NMNAT2: variants seen among roughly 807,000 people sequenced by gnomAD.
The protein encoded by NMNAT2 is nicotinamide nucleotide adenylyltransferase 2, also known as nicotinamide/nicotinic acid mononucleotide adenylyltransferase 2.
A neutral mutation model predicts 41.6 loss-of-function variants in NMNAT2; 11 were observed. The ratio of observed to expected loss-of-function variants is 0.26; its 90% CI spans 0.17 to 0.44. The LOEUF (loss-of-function observed/expected upper bound fraction) is 0.44, where lower values mean the gene tolerates loss of function less well. Among genes scored for constraint, NMNAT2 ranks in the 20% least tolerant of loss-of-function variants. The pLI, the probability that NMNAT2 is intolerant of heterozygous loss-of-function variation, is 1.00. For synonymous variants in NMNAT2, 148 were observed against 151.2 expected, an observed-to-expected ratio of 0.98 and a Z score of 0.16; for missense variants, 288 against 407.7, an observed-to-expected ratio of 0.71 and a Z score of 2.53.
At chr1:183,397,934 T>C (rs974859387) in intron 1 of NMNAT2, among the ~76,000 whole-genome samples, 5 of 152,156 alleles carry the variant, frequency 3.3e-5, no homozygotes, top group Non-Finnish European at 5.9e-5. Context: ...AAGGAACAAC[T>C]GATACCAGCC....
intron 1 of NMNAT2, among the ~76,000 whole-genome samples, chr1:183,317,217 T>C (rs1461283077): frequency 6.6e-6 from 1 of 152,186 alleles, no homozygotes; most frequent in Non-Finnish European, 1.5e-5. Context: ...GAAAGTAGGC[T>C]CAGTTTCATC....
intron 1 of NMNAT2, among the ~76,000 whole-genome samples, chr1:183,411,156 C>G (rs995931841): frequency 6.6e-6 from 1 of 152,142 alleles, no homozygotes; most frequent in African/African-American, 2.4e-5. Context: ...CTCATTCTCA[C>G]CTCTTTTGTA....
At chr1:183,305,716 C>CT (rs5741563) in intron 1 of NMNAT2, among the ~76,000 whole-genome samples, 13,770 of 123,006 alleles carry the variant, frequency 0.11, 881 homozygotes, top group Middle Eastern at 0.17. Context: ...CCTTTACAGC[C>CT]TTTTTTTTTT....
chr1:183,387,027 G>T (rs998817165), intron 1 of NMNAT2, among the ~76,000 whole-genome samples: 1 of 151,934 alleles, frequency 6.6e-6, no homozygotes, highest in African/African-American at 2.4e-5. Context: ...AAATGCCTGT[G>T]ATTAGTTTGA....
intron 5 of NMNAT2, 143 bp from the exon 6 acceptor site, chr1:183,284,933 G>A (rs1433646315): frequency 1.5e-6 from 1 of 664,926 alleles, no homozygotes; most frequent in East Asian, 2.7e-5. Flanking sequence ...GTAGCAGGAG[G>A]GTAGAGAGAA....
intron 1 of NMNAT2, among the ~76,000 whole-genome samples, chr1:183,371,179 C>T (rs954326871): frequency 6.6e-6 from 1 of 152,072 alleles, no homozygotes. Flanking sequence ...ACTCTTCATC[C>T]CAGAAGAAGT....
chr1:183,321,457 T>C (rs1662354063), intron 1 of NMNAT2, among the ~76,000 whole-genome samples: 1 of 152,102 alleles, frequency 6.6e-6, no homozygotes, highest in Admixed American at 6.5e-5. Context: ...ACAGAAATAT[T>C]TGGCCAGGCG....
At chr1:183,410,875 A>G (rs1383955910) in intron 1 of NMNAT2, among the ~76,000 whole-genome samples, 6 of 150,732 alleles carry the variant, frequency 4.0e-5, no homozygotes, top group African/African-American at 1.5e-4. Context: ...ATGCCAACAC[A>G]CCCAGCTAAT....
In NMNAT2 at chr1:183,418,351, G is replaced by T. The variant is rs953510222; in HGVS notation, c.-84C>A. 2.2e-6 allele frequency: 3 copies of T among 1,367,016 alleles called. No individual in the cohort carries two copies. The highest frequency in any genetic ancestry group is 2.9e-5 in the African/African-American group (2 of 69,880). The allele number at this position is 1,367,016 out of a possible 1,614,324, so 84.7% of individuals were successfully genotyped here. A position where few individuals can be genotyped will look rare whatever the true frequency, so the allele number is the denominator to read the frequency against. ...TGTCTGCAGAGGGAGAAAGGAAGGC[G>T]AGGCTCCGGCGGTGGATGCTGTGGA... is the stretch of plus-strand genomic sequence containing the variant. On this transcript the variant is annotated 5_prime_UTR_variant, in exon 1 of 11. Coordinates refer to ENST00000287713, the MANE Select transcript of NMNAT2 (RefSeq NM_015039.4).
intron 1 of NMNAT2, among the ~76,000 whole-genome samples, chr1:183,354,932 T>C (rs1437068112): frequency 6.6e-6 from 1 of 152,164 alleles, no homozygotes; most frequent in Non-Finnish European, 1.5e-5. Flanking sequence ...ACAACAGTAA[T>C]AAGTTAAATT....
intron 3 of NMNAT2, 142 bp from the exon 4 acceptor site, chr1:183,290,348 G>T: frequency 1.6e-6 from 1 of 613,098 alleles, no homozygotes; most frequent in Non-Finnish European, 2.9e-6. Flanking sequence ...TAAAACCTGG[G>T]TGTGAAACAC....
At chr1:183,261,378 A>G (rs1660653550) in intron 8 of NMNAT2, 75 bp from the exon 9 acceptor site, 1 of 1,223,690 alleles carries the variant, frequency 8.2e-7, no homozygotes, top group African/African-American at 1.8e-5. Context: ...TTAGCATGGC[A>G]GAATCCGCTT....
In NMNAT2 at chr1:183,292,863, A is replaced by G; in HGVS notation, c.175-6T>C. The G allele has an allele frequency of 6.2e-7, 1 of 1,613,964 alleles. No homozygotes were observed. ...TGCCGGCTTGACACGAGGCCCTGGGAAGCAACAGAGCAATCATTGGGAGAC... is the reference window on the plus strand; with the variant it reads ...TGCCGGCTTGACACGAGGCCCTGGGGAGCAACAGAGCAATCATTGGGAGAC... On this transcript the variant is annotated splice_polypyrimidine_tract_variant and splice_region_variant and intron_variant, in intron 2 of 10. Transcript: ENST00000287713.
chr1:183,411,978 G>T (rs1489621301), intron 1 of NMNAT2, among the ~76,000 whole-genome samples: 1 of 152,142 alleles, frequency 6.6e-6, no homozygotes, highest in East Asian at 1.9e-4. Flanking sequence ...CCAGCAAAGG[G>T]AACATTCAGC....
chr1:183,294,408 AC>A (rs1232168551), intron 1 of NMNAT2, among the ~76,000 whole-genome samples: 2 of 152,134 alleles, frequency 1.3e-5, no homozygotes, highest in African/African-American at 4.8e-5. Context: ...TATCAGACAA[AC>A]CCAATTTTAT....
chr1:183,399,605 T>TA (rs915893598), intron 1 of NMNAT2, among the ~76,000 whole-genome samples: 6 of 151,270 alleles, frequency 4.0e-5, no homozygotes, highest in South Asian at 2.1e-4. Flanking sequence ...AGAGACACAA[T>TA]AAAAAAAAGA....
intron 1 of NMNAT2, among the ~76,000 whole-genome samples, chr1:183,339,484 A>G (rs563412711): frequency 6.6e-6 from 1 of 152,238 alleles, no homozygotes; most frequent in African/African-American, 2.4e-5. Context: ...ATTATTGTAG[A>G]GAGTTTCAAC....
At chr1:183,263,289 A>G (rs1380262332) in intron 8 of NMNAT2, among the ~76,000 whole-genome samples, 1 of 152,328 alleles carries the variant, frequency 6.6e-6, no homozygotes, top group South Asian at 2.1e-4. Flanking sequence ...AACACACTGC[A>G]TCTATTGGTG....
chr1:183,356,931 A>AT (rs374506571), intron 1 of NMNAT2, among the ~76,000 whole-genome samples: 2 of 152,336 alleles, frequency 1.3e-5, no homozygotes, highest in African/African-American at 4.8e-5. Flanking sequence ...TCCATGGTGC[A>AT]TAGGTCTACT....
Sources: allele counts gnomAD v4.1 joint callset (sites outside exome capture counted in the v4.1 genomes callset), GRCh38; gene constraint gnomAD v4.1.1; transcripts MANE v1.5; gene names NCBI Gene and HGNC (gene_info 2026-07-23, HGNC 2026-07-21).